SPMIP2: variants seen among roughly 807,000 people sequenced by gnomAD.
The protein encoded by SPMIP2 is sperm microtubule inner protein 2, also known as protein SPMIP2.
chr4:158,995,855 C>CAAA, the SPMIP2 span, among the ~76,000 whole-genome samples: 14 of 70,732 alleles, frequency 2.0e-4, no homozygotes, highest in East Asian at 4.4e-4. Flanking sequence ...GACTCCATCT[C>CAAA]AAAAAAAAAA....
At chr4:159,018,616 T>C in the SPMIP2 span, among the ~76,000 whole-genome samples, 1 of 152,204 alleles carries the variant, frequency 6.6e-6, no homozygotes, top group Non-Finnish European at 1.5e-5. Flanking sequence ...AAGGAGATTG[T>C]ATTAATTTTT....
the SPMIP2 span, chr4:158,973,076 T>TAC: frequency 6.6e-7 from 1 of 1,519,426 alleles, no homozygotes; most frequent in Non-Finnish European, 9.1e-7. Context: ...TTAAGAGCAA[T>TAC]ACCTTGATAT....
the SPMIP2 span, among the ~76,000 whole-genome samples, chr4:159,062,044 A>G: frequency 1.4e-4 from 22 of 152,176 alleles, no homozygotes; most frequent in Admixed American, 1.1e-3. Context: ...GCAATGAGTG[A>G]CTGTACAAAT....
chr4:158,914,870 G>A, the SPMIP2 span, among the ~76,000 whole-genome samples: 3 of 152,100 alleles, frequency 2.0e-5, no homozygotes, highest in Admixed American at 2.0e-4. Flanking sequence ...TTTCACAAAC[G>A]GTGCTTTCTC....
chr4:159,057,172 G>A, the SPMIP2 span, among the ~76,000 whole-genome samples: 3 of 152,212 alleles, frequency 2.0e-5, no homozygotes, highest in East Asian at 5.8e-4. Flanking sequence ...AGAAAAGAGA[G>A]AACTATCATT....
chr4:159,061,002 C>G, the SPMIP2 span, among the ~76,000 whole-genome samples: 1 of 151,480 alleles, frequency 6.6e-6, no homozygotes, highest in Non-Finnish European at 1.5e-5. Flanking sequence ...GGAGGATCAC[C>G]TGAGTTCAGG....
chr4:158,963,249 G>A, the SPMIP2 span, among the ~76,000 whole-genome samples: 2,303 of 151,162 alleles, frequency 0.015, 30 homozygotes, highest in Non-Finnish European at 0.021. Flanking sequence ...TTAATAATAC[G>A]CTAAGGTATT....
the SPMIP2 span, among the ~76,000 whole-genome samples, chr4:159,064,550 TACTC>T: frequency 1.2e-4 from 16 of 132,044 alleles, no homozygotes; most frequent in Admixed American, 3.0e-4. Context: ...TTTTTCCTCT[TACTC>T]AAAAATGGTC....
chr4:158,968,164 C>T, the SPMIP2 span, among the ~76,000 whole-genome samples: 1 of 152,028 alleles, frequency 6.6e-6, no homozygotes, highest in Non-Finnish European at 1.5e-5. Flanking sequence ...TGAGTAGCTG[C>T]AATTACAGGC....
the SPMIP2 span, chr4:158,915,145 G>T: frequency 6.3e-7 from 1 of 1,586,818 alleles, no homozygotes; most frequent in Non-Finnish European, 8.6e-7. Context: ...TTTCTATGAC[G>T]ATTTAGAAAA....
At chr4:158,983,206 G>C in the SPMIP2 span, among the ~76,000 whole-genome samples, 4 of 152,086 alleles carry the variant, frequency 2.6e-5, no homozygotes, top group Non-Finnish European at 4.4e-5. Context: ...GAAAATGACA[G>C]GGAGAATGGA....
chr4:158,945,490 C>T, the SPMIP2 span, among the ~76,000 whole-genome samples: 5 of 152,078 alleles, frequency 3.3e-5, no homozygotes, highest in African/African-American at 4.8e-5. Flanking sequence ...TCCTTTTCAT[C>T]GAACATGGAA....
chr4:159,009,975 C>T, the SPMIP2 span, among the ~76,000 whole-genome samples: 1 of 152,064 alleles, frequency 6.6e-6, no homozygotes, highest in Non-Finnish European at 1.5e-5. Flanking sequence ...GCCTGGATGA[C>T]AGAGGAGACT....
At chr4:158,965,665 A>G in the SPMIP2 span, among the ~76,000 whole-genome samples, 2 of 72,572 alleles carry the variant, frequency 2.8e-5, no homozygotes, top group South Asian at 4.2e-4. Context: ...TTAAGTTTCT[A>G]TTTAAAAAAA....
At chr4:159,031,663 T>C in the SPMIP2 span, among the ~76,000 whole-genome samples, 1 of 152,236 alleles carries the variant, frequency 6.6e-6, no homozygotes, top group African/African-American at 2.4e-5. Flanking sequence ...TGTGACTATG[T>C]AAGAATATGT....
the SPMIP2 span, among the ~76,000 whole-genome samples, chr4:158,982,897 A>G: frequency 2.0e-5 from 3 of 152,314 alleles, no homozygotes; most frequent in South Asian, 6.2e-4. Context: ...AAAGGCAAAG[A>G]AGTTAAAAAC....
At chr4:159,007,553 G>T in the SPMIP2 span, 3 of 1,080,162 alleles carry the variant, frequency 2.8e-6, no homozygotes. Flanking sequence ...AGGAGAAGGT[G>T]CTGGAGAGGG....
At chr4:159,007,470 G>T in the SPMIP2 span, 2 of 701,792 alleles carry the variant, frequency 2.8e-6, no homozygotes, top group Non-Finnish European at 5.2e-6. Flanking sequence ...AAAGAGAAAT[G>T]CATTCTAGTG....
the SPMIP2 span, among the ~76,000 whole-genome samples, chr4:158,915,570 C>T: frequency 6.6e-6 from 1 of 152,176 alleles, no homozygotes; most frequent in African/African-American, 2.4e-5. Flanking sequence ...AAGAACCACC[C>T]CCAAGATGGA....
Sources: allele counts gnomAD v4.1 joint callset (sites outside exome capture counted in the v4.1 genomes callset), GRCh38; gene constraint gnomAD v4.1.1; transcripts MANE v1.5; gene names NCBI Gene and HGNC (gene_info 2026-07-23, HGNC 2026-07-21).